Variants in NCAPD2 observed in about 807,000 individuals in gnomAD.
The protein encoded by NCAPD2 is non-SMC condensin I complex subunit D2.
Under a neutral mutation model 164.5 loss-of-function variants are expected in NCAPD2, and 100 were observed. The observed-to-expected ratio is 0.61, with a 90% CI of 0.52 to 0.72. The LOEUF is 0.72. Ranked by LOEUF, NCAPD2 falls within the 30% of genes least tolerant of loss-of-function variation. The pLI is 0.00. For synonymous variants in NCAPD2, 585 were observed against 642.6 expected (o/e 0.91, Z 1.36); for missense variants, 1,560 against 1,749.2 (o/e 0.89, Z 1.93).
At chr12:6,523,600 T>C (rs984528551) in intron 17 of NCAPD2, among the ~76,000 whole-genome samples, 1 of 152,188 alleles carries the variant, frequency 6.6e-6, no homozygotes, top group Non-Finnish European at 1.5e-5. Context: ...GGTTTCACCA[T>C]GTTGGCCGAG....
At chr12:6,501,607 A>C (rs1311259582) in intron 2 of NCAPD2, among the ~76,000 whole-genome samples, 1 of 152,126 alleles carries the variant, frequency 6.6e-6, no homozygotes, top group African/African-American at 2.4e-5. Context: ...TTCAAGGGAG[A>C]GGTTGTCAGC....
rs746385360 is a variant in NCAPD2 at position 6,528,231 on chromosome 12, C to T, written c.3202C>T (p.Leu1068Phe). 5.6e-6 allele frequency: 9 copies of T among 1,614,142 alleles called. No individual in the cohort carries two copies. The South Asian group carries it at 7.7e-5, about 14-fold the overall frequency. Residue 1068 changes from leucine (L) to phenylalanine (F), a missense_variant, in exon 25 of 32, where the codon CTT (leucine) becomes TTT (phenylalanine). By Grantham distance (22) the Leu-to-Phe change is conservative. Transcript: ENST00000315579. The surrounding 1 kb of genome is among the most constrained non-coding windows in gnomAD (Gnocchi z 5.1). ...LLFTMLEKSP[L>F]PIVRSNLMVA... ...GTTCACCATGCTGGAAAAGTCTCCA[C>T]TTCCCATTGTCCGGTCTAACCTCAT... is the stretch of plus-strand genomic sequence containing the variant.
At chr12:6,505,979 T>C (rs1378857301) in intron 2 of NCAPD2, among the ~76,000 whole-genome samples, 2 of 152,048 alleles carry the variant, frequency 1.3e-5, no homozygotes, top group Non-Finnish European at 2.9e-5. Flanking sequence ...GTTTTTTTTT[T>C]ACATGGGGTC....
In NCAPD2 at chr12:6,528,367, G is replaced by A. The variant is rs138048577; in HGVS notation, c.3299+39G>A. ...CACAACGTGGTGGCAGTTCCCAGGAGCCCCGGAGTCTGTTGAGAGTCAGTG... is the reference window on the plus strand; with the variant it reads ...CACAACGTGGTGGCAGTTCCCAGGAACCCCGGAGTCTGTTGAGAGTCAGTG... On this transcript the variant is annotated intron_variant, in intron 25 of 31. Transcript: ENST00000315579. The surrounding 1 kb of genome is among the most constrained non-coding windows in gnomAD (Gnocchi z 5.1). The A allele has an allele frequency of 6.2e-7, 1 of 1,611,562 alleles. No individual in the cohort carries two copies. The highest frequency in any genetic ancestry group is 8.5e-7 in the Non-Finnish European group (1 of 1,179,162).
intron 17 of NCAPD2, 56 bp downstream of exon 17, chr12:6,523,402 T>TG: frequency 1.4e-6 from 2 of 1,397,016 alleles, no homozygotes; most frequent in Non-Finnish European, 9.8e-7. Flanking sequence ...TTGGTTGTTT[T>TG]TTTTTTTTTT....
chr12:6,526,465 C>T lies in NCAPD2; in HGVS notation c.2584C>T (p.Pro862Ser). 2 of 1,614,158 alleles carry T rather than the reference C, an allele frequency of 1.2e-6. No individual in the cohort carries two copies. The highest frequency in any genetic ancestry group is 1.3e-5 in the African/African-American group (1 of 75,030). The part of the protein sequence containing the change: ...TVTKGFVHPD[P>S]LWIPFKEVAV... ...CTCTGCAGGCTTTGTCCACCCAGAC[C>T]CACTCTGGATCCCATTCAAAGAGGT... is the stretch of plus-strand genomic sequence containing the variant. The change falls in exon 21 of 32, where the codon CCA becomes TCA. Residue 862 changes from proline (P) to serine (S), a missense_variant. Physicochemically the swap from Pro to Ser is moderately conservative, Grantham distance 74. Coordinates refer to ENST00000315579, the MANE Select transcript of NCAPD2 (RefSeq NM_014865.4).
rs778841033 is a variant in NCAPD2 at position 6,517,611 on chromosome 12, C to T, written c.1336C>T (p.Leu446Phe). 1 of 1,614,232 alleles carries T rather than the reference C, an allele frequency of 6.2e-7. No homozygotes were observed. The highest frequency in any genetic ancestry group is 8.5e-7 in the Non-Finnish European group (1 of 1,180,044). ...PFSCKLSDADLAGPLQKETQK... is the reference protein window; with the variant it reads ...PFSCKLSDADFAGPLQKETQK... The stretch of plus-strand genomic sequence containing the variant: ...TACCTGATAGCTTAGTGATGCTGAC[C>T]TTGCCGGACCACTGCAGAAGGAGAC... The change falls in exon 12 of 32, where the codon CTT (leucine) becomes TTT (phenylalanine). Residue 446 changes from leucine to phenylalanine, a missense_variant. Transcript: ENST00000315579.
rs71584847 is a variant in NCAPD2, at chr12:6,514,753, G to A, written c.840-20G>A. 2.0e-4 allele frequency: 317 copies of A among 1,613,592 alleles called. No homozygotes were observed. The highest frequency in any genetic ancestry group is 2.6e-4 in the Non-Finnish European group (306 of 1,179,650). On this transcript the variant is annotated intron_variant, in intron 8 of 31. Coordinates refer to ENST00000315579, the MANE Select transcript of NCAPD2 (RefSeq NM_014865.4). ...ATAATTGATCTATGTTGCTATGGCT[G>A]TGTTTTCTTCCCTGTGTAGAGAGAT...
chr12:6,499,426 C>T (rs1448508128), intron 2 of NCAPD2, among the ~76,000 whole-genome samples: 1 of 151,670 alleles, frequency 6.6e-6, no homozygotes, highest in East Asian at 1.9e-4. Flanking sequence ...TTTGCTCTGT[C>T]GCCCAGGTTG....
intron 4 of NCAPD2, 70 bp from the exon 5 acceptor site, chr12:6,510,559 C>A: frequency 6.6e-7 from 1 of 1,523,768 alleles, no homozygotes. Flanking sequence ...GCTGCAAGTG[C>A]TGGGTGTTTT....
chr12:6,525,555 G>A, intron 17 of NCAPD2, 28 bp from the exon 18 acceptor site: 3 of 1,581,152 alleles, frequency 1.9e-6, no homozygotes, highest in Non-Finnish European at 1.7e-6. Flanking sequence ...TTCATTTTTG[G>A]CTTGAGCCCT....
chr12:6,518,516 T>TG (rs1204120574), intron 13 of NCAPD2, among the ~76,000 whole-genome samples: 1 of 110,402 alleles, frequency 9.1e-6, no homozygotes, highest in Non-Finnish European at 1.8e-5. Flanking sequence ...TTTTTTTTTT[T>TG]TTTTTTTTTT....
intron 9 of NCAPD2, among the ~76,000 whole-genome samples, 171 bp downstream of exon 9, chr12:6,515,091 T>C (rs971945664): frequency 6.6e-6 from 1 of 152,248 alleles, no homozygotes; most frequent in Non-Finnish European, 1.5e-5. Flanking sequence ...TAAGGAGCTC[T>C]TTATTAATCT....
intron 2 of NCAPD2, among the ~76,000 whole-genome samples, chr12:6,504,874 C>T (rs370449784): frequency 2.0e-5 from 3 of 152,224 alleles, no homozygotes; most frequent in East Asian, 3.9e-4. Context: ...TGCAGACCTC[C>T]GTCCATGGTA....
chr12:6,528,633 G>A lies in NCAPD2; in HGVS notation c.3300-46G>A, dbSNP rs1390626109. On this transcript the variant is annotated intron_variant, in intron 25 of 31. Transcript: ENST00000315579. The surrounding 1 kb of genome is among the most constrained non-coding windows in gnomAD (Gnocchi z 5.1). ...GGGCCTTTTCTACCAGTGTTAGGGT[G>A]TAGCCCGGAGGTCTCGGTCCCCATG... 6 of 1,580,028 alleles carry A rather than the reference G, an allele frequency of 3.8e-6. No individual in the cohort carries two copies. The highest frequency in any genetic ancestry group is 2.2e-5 in the East Asian group (1 of 44,454).
chr12:6,527,737 G>A, intron 22 of NCAPD2, 40 bp from the exon 23 acceptor site: 1 of 1,562,190 alleles, frequency 6.4e-7, no homozygotes, highest in Non-Finnish European at 8.7e-7. Context: ...CAAAAATGTT[G>A]TCTCTGCTTA....
At chr12:6,507,186 A>G (rs1212812582) in intron 2 of NCAPD2, among the ~76,000 whole-genome samples, 1 of 152,180 alleles carries the variant, frequency 6.6e-6, no homozygotes, top group South Asian at 2.1e-4. Flanking sequence ...CATGTTGCCC[A>G]GGCGGATCTT....
intron 2 of NCAPD2, among the ~76,000 whole-genome samples, chr12:6,496,121 G>A (rs1014963139): frequency 9.4e-5 from 14 of 149,444 alleles, no homozygotes; most frequent in African/African-American, 2.7e-4. Flanking sequence ...GCAGTGATGC[G>A]ATATCGGCTC....
Position 6,528,590 on chromosome 12 carries a change from A to C in NCAPD2, c.3300-89A>C. ...TGCTTCTGGAGTGGCAGAGCATGGG[A>C]TAATTGATTCCTGCTGAGGGCCTTT... On this transcript the variant is annotated intron_variant, in intron 25 of 31. Coordinates refer to ENST00000315579, the MANE Select transcript of NCAPD2 (RefSeq NM_014865.4). The surrounding 1 kb of genome is among the most constrained non-coding windows in gnomAD (Gnocchi z 5.1). 1 of 1,421,718 alleles carries C rather than the reference A, an allele frequency of 7.0e-7. No individual in the cohort carries two copies. The highest frequency in any genetic ancestry group is 1.3e-5 in the South Asian group (1 of 79,326). The allele number at this position is 1,421,718 out of a possible 1,614,324, so 88.1% of individuals were successfully genotyped here. A position where few individuals can be genotyped will look rare whatever the true frequency, so the allele number is the denominator to read the frequency against.
Sources: allele counts gnomAD v4.1 joint callset (sites outside exome capture counted in the v4.1 genomes callset), GRCh38; gene constraint gnomAD v4.1.1; non-coding constraint Gnocchi (gnomAD v3.1); transcripts MANE v1.5; gene names NCBI Gene and HGNC (gene_info 2026-07-23, HGNC 2026-07-21).